PTPDC1: variants seen among roughly 807,000 people sequenced by gnomAD.
The protein encoded by PTPDC1 is protein tyrosine phosphatase domain-containing protein 1.
Under a neutral mutation model 75.3 loss-of-function variants are expected in PTPDC1, and 53 were observed. The observed-to-expected ratio is 0.70, with a 90% CI of 0.56 to 0.88. The LOEUF (loss-of-function observed/expected upper bound fraction) is 0.88. Ranked by LOEUF, PTPDC1 falls within the 40% of genes least tolerant of loss-of-function variation. PTPDC1 has a pLI of 0.00. For missense variants in PTPDC1, 925 were observed against 998.6 expected, an observed-to-expected ratio of 0.93 and a Z score of 0.99; for synonymous variants, 349 against 366.2, an observed-to-expected ratio of 0.95 and a Z score of 0.54.
intron 1 of PTPDC1, among the ~76,000 whole-genome samples, chr9:94,039,096 T>C (rs1239850646): frequency 1.3e-5 from 2 of 152,218 alleles, no homozygotes; most frequent in Non-Finnish European, 2.9e-5. Flanking sequence ...GTAGAACTGC[T>C]GTGTATTCGT....
At position 94,101,810 on chromosome 9, in the gene PTPDC1, G is replaced by GA. The variant is rs1347147486; in HGVS notation, c.2199+69dup. 6,400 of 810,640 alleles carry GA rather than the reference G, an allele frequency of 7.9e-3. 2 individuals are homozygous for GA. The highest frequency in any genetic ancestry group is 0.011 in the South Asian group (345 of 31,578). 50.2% of individuals were successfully genotyped at this position (810,640 alleles called of 1,614,324 possible). A position where few individuals can be genotyped will look rare whatever the true frequency, so the allele number is the denominator to read the frequency against. ...ACTGAGGCCCTTAGTTTTTCACGCA[G>GA]AAAAAAAAAATCCATTATAAAAAAA... On this transcript the variant is annotated intron_variant, in intron 7 of 8. Transcript: ENST00000620992.
intron 1 of PTPDC1, among the ~76,000 whole-genome samples, chr9:94,052,013 A>G (rs1022901101): frequency 5.9e-5 from 9 of 152,114 alleles, no homozygotes; most frequent in Non-Finnish European, 1.3e-4. Context: ...CTCTCTAAAC[A>G]TTACTTTAGC....
intron 4 of PTPDC1, among the ~76,000 whole-genome samples, chr9:94,094,949 G>T (rs959329279): frequency 2.0e-5 from 3 of 152,200 alleles, no homozygotes; most frequent in Non-Finnish European, 4.4e-5. Flanking sequence ...GGCACGGTGC[G>T]TGCGCCCACT....
At chr9:94,060,225 A>T (rs1490555384) in intron 1 of PTPDC1, among the ~76,000 whole-genome samples, 2 of 152,218 alleles carry the variant, frequency 1.3e-5, no homozygotes. Context: ...CAGAAATAGG[A>T]CCAGTGGGTA....
intron 1 of PTPDC1, among the ~76,000 whole-genome samples, chr9:94,063,892 T>C (rs1358128390): frequency 2.0e-5 from 3 of 152,200 alleles, no homozygotes; most frequent in Non-Finnish European, 4.4e-5. Context: ...CTCCCAATAA[T>C]AGATGTTCAA....
At chr9:94,049,557 C>G (rs1355813499) in intron 1 of PTPDC1, among the ~76,000 whole-genome samples, 1 of 152,196 alleles carries the variant, frequency 6.6e-6, no homozygotes, top group Non-Finnish European at 1.5e-5. Flanking sequence ...TCTCTTCTGG[C>G]TTGTAGAGTT....
At position 94,101,892 on chromosome 9, in the gene PTPDC1, G is replaced by A. The variant is rs1312692126; in HGVS notation, c.2199+141G>A. 7.4e-6 allele frequency: 4 copies of A among 540,668 alleles called. No homozygotes were observed. In the Admixed American group the frequency reaches 1.4e-4, roughly 19 times the overall value. The allele number at this position is 540,668 out of a possible 1,614,324, so 33.5% of individuals were successfully genotyped here. On this transcript the variant is annotated intron_variant, in intron 7 of 8. Transcript: ENST00000620992. ...TAATTTAATAGTTTTTCCAAGAGAA[G>A]AGAAGAAACTGATACCCAGTGTAAA...
At chr9:94,041,958 G>T (rs1385717895) in intron 1 of PTPDC1, among the ~76,000 whole-genome samples, 1 of 152,146 alleles carries the variant, frequency 6.6e-6, no homozygotes, top group Non-Finnish European at 1.5e-5. Flanking sequence ...ATTAATCTGT[G>T]TATGCATACA....
At chr9:94,054,434 C>CT (rs1825873882) in intron 1 of PTPDC1, among the ~76,000 whole-genome samples, 1 of 152,042 alleles carries the variant, frequency 6.6e-6, no homozygotes, top group African/African-American at 2.4e-5. Flanking sequence ...ATAAATGTGC[C>CT]TAAGATCACA....
At position 94,084,609 on chromosome 9, in the gene PTPDC1, A is replaced by C. The variant is rs777209469; in HGVS notation, c.79A>C (p.Thr27Pro). The C allele has an allele frequency of 3.7e-6, 6 of 1,613,514 alleles. No individual in the cohort carries two copies. The South Asian group carries it at 6.6e-5, about 18-fold the overall frequency. The change falls in exon 1 of 9, where the codon ACC (threonine) becomes CCC (proline). Residue 27 changes from threonine (T) to proline (P), a missense_variant. Thr to Pro is a conservative substitution (Grantham distance 38). Transcript: ENST00000620992. Reference sequence around the variant, plus strand: ...CTTTCTCCAGGGCCGCCGGCACTCCACCTCAGACCCAGTACTGCGGCTGCA... The same window carrying C: ...CTTTCTCCAGGGCCGCCGGCACTCCCCCTCAGACCCAGTACTGCGGCTGCA... The part of the protein sequence containing the change: ...SSFLQGRRHS[T>P]SDPVLRLQQA...
chr9:94,067,150 G>T (rs1429438411), intron 2 of PTPDC1, among the ~76,000 whole-genome samples: 1 of 152,120 alleles, frequency 6.6e-6, no homozygotes, highest in Non-Finnish European at 1.5e-5. Context: ...AGCACTTTGG[G>T]ACACTGAGGT....
At chr9:94,038,628 G>C (rs1359930447) in intron 1 of PTPDC1, among the ~76,000 whole-genome samples, 1 of 152,138 alleles carries the variant, frequency 6.6e-6, no homozygotes, top group East Asian at 1.9e-4. Flanking sequence ...TCACAAAGAT[G>C]GTGAGTGCCA....
chr9:94,050,435 C>G (rs912541406), intron 1 of PTPDC1, among the ~76,000 whole-genome samples: 28 of 152,242 alleles, frequency 1.8e-4, no homozygotes, highest in Non-Finnish European at 4.0e-4. Context: ...TTCTAACAGT[C>G]AGGACCCTCA....
At chr9:94,104,151 A>G (rs1437554922) in intron 7 of PTPDC1, 124 bp from the exon 8 acceptor site, 2 of 557,376 alleles carry the variant, frequency 3.6e-6, no homozygotes, top group Non-Finnish European at 6.5e-6. Context: ...TTTGTTAGAT[A>G]TTTTGGCATT....
chr9:94,059,105 C>T (rs145125344), intron 1 of PTPDC1, among the ~76,000 whole-genome samples: 121 of 152,216 alleles, frequency 7.9e-4, no homozygotes, highest in Admixed American at 1.3e-3. Context: ...AAAAGATAAT[C>T]CATTTGACAC....
At position 94,067,079 on chromosome 9, in the gene PTPDC1, G is replaced by A. The variant is rs150803062; in HGVS notation, c.82+2258G>A. On this transcript the variant is annotated intron_variant, in intron 2 of 9. Transcript: ENST00000375360. The stretch of plus-strand genomic sequence containing the variant: ...TACTTTGAAGCAAACTCAAGGCATC[G>A]CGTCATTTTGTTAAATAACCACATC... Among the ~76,000 whole-genome samples the A allele has an allele frequency of 2.6e-3, 392 of 151,964 alleles. 1 individual carries two copies. The highest frequency in any genetic ancestry group is 4.7e-3 in the Admixed American group (72 of 15,258).
chr9:94,082,002 C>A (rs369195324), upstream of PTPDC1, among the ~76,000 whole-genome samples: 26 of 152,306 alleles, frequency 1.7e-4, no homozygotes, highest in African/African-American at 6.0e-4. Flanking sequence ...TGAAGCCCAG[C>A]GTGTTGGCAG....
chr9:94,036,023 G>GTT lies in PTPDC1; in HGVS notation c.-7+4906_-7+4907dup, dbSNP rs200873026. ...TTGCCCATTTTTAATCGGATTATTT[G>GTT]TTTTTTTTTTTGTTTTTTTTTTGCT... On this transcript the variant is annotated intron_variant, in intron 1 of 9. Coordinates refer to the PTPDC1 transcript ENST00000375360. Among the ~76,000 whole-genome samples the GTT allele has an allele frequency of 2.7e-3, 232 of 85,524 alleles. 15 individuals carry two copies. Among genetic ancestry groups the GTT allele is most frequent in the African/African-American group, 7.1e-3 (137 of 19,266 alleles). The allele number at this position is 85,524 out of a possible 152,430, so 56.1% of individuals were successfully genotyped here.
chr9:94,052,318 G>A (rs997919501), intron 1 of PTPDC1, among the ~76,000 whole-genome samples: 2 of 152,036 alleles, frequency 1.3e-5, no homozygotes, highest in Non-Finnish European at 2.9e-5. Context: ...TTCTGGTGTG[G>A]TCTAAAAATA....
Sources: allele counts gnomAD v4.1 joint callset (sites outside exome capture counted in the v4.1 genomes callset), GRCh38; gene constraint gnomAD v4.1.1; transcripts MANE v1.5; gene names NCBI Gene and HGNC (gene_info 2026-07-23, HGNC 2026-07-21).